The following AFF2 variants were observed in gnomAD, a reference collection of about 807,000 sequenced individuals.
AFF2 encodes ALF transcription elongation factor 2.
AFF2 carries 14 observed loss-of-function variants against 76.9 expected under a neutral mutation model. The observed-to-expected ratio is 0.18, with a 90% CI of 0.12 to 0.28. The LOEUF is 0.28. Among genes scored for constraint, AFF2 ranks in the 10% least tolerant of loss-of-function variants. The pLI is 1.00. For missense variants in AFF2, 868 were observed against 1,001.1 expected (o/e 0.87, Z 1.79); for synonymous variants, 398 against 366.7 (o/e 1.09, Z -0.98).
chrX:148,967,395 C>T (rs1279173986), intron 14 of AFF2, among the ~76,000 whole-genome samples: 3 of 112,269 alleles, frequency 2.7e-5, no homozygotes, highest in African/African-American at 9.7e-5. Context: ...ATTTGGACAA[C>T]TGTAATGGTT....
At position 148,973,603 on chromosome X, in the gene AFF2, C is replaced by G. The variant is rs782196362; in HGVS notation, c.3400C>G (p.Leu1134Val). The change falls in exon 16 of 21, where the codon CTC (leucine) becomes GTC (valine). Residue 1134 changes from leucine to valine, a missense_variant. By Grantham distance (32) the Leu-to-Val change is conservative. This residue lies in a region of AFF2 where 57 missense variants were observed against 117.8 expected (regional missense o/e 0.48). Coordinates refer to ENST00000370460, the MANE Select transcript of AFF2 (RefSeq NM_002025.4). ...YTMYSETVEL[L>V]RYAMRLKNFA... ...CATGTACTCTGAGACTGTGGAGCTCCTCAGGTGAATAGCCTTTCTGCAATC... is the reference window on the plus strand; with the variant it reads ...CATGTACTCTGAGACTGTGGAGCTCGTCAGGTGAATAGCCTTTCTGCAATC... 2 of 1,206,746 alleles carry G rather than the reference C, an allele frequency of 1.7e-6. No individual in the cohort carries two copies. Among genetic ancestry groups the G allele is most frequent in the Non-Finnish European group, 2.2e-6 (2 of 891,972 alleles).
intron 3 of AFF2, among the ~76,000 whole-genome samples, chrX:148,731,566 G>T (rs1557264671): frequency 7.2e-5 from 8 of 111,410 alleles, no homozygotes; most frequent in Non-Finnish European, 5.7e-5. Flanking sequence ...GAGTCAAAAG[G>T]CTCATTGTTC....
rs142445374 is a variant in AFF2, at chrX:148,537,930, A to G, written c.47+36786A>G. On this transcript the variant is annotated intron_variant, in intron 1 of 20. Transcript: ENST00000370460. ...GAAATGAGGCGTTTTCTGCGAGCCAAACCCTGATAGCTGTGTCCTTGTGGT... is the reference window on the plus strand; with the variant it reads ...GAAATGAGGCGTTTTCTGCGAGCCAGACCCTGATAGCTGTGTCCTTGTGGT... Among the ~76,000 whole-genome samples, 612 of 112,434 alleles carry G rather than the reference A, an allele frequency of 5.4e-3. 7 individuals are homozygous for G. The highest frequency in any genetic ancestry group is 0.023 in the Middle Eastern group (5 of 217).
chrX:148,747,878 G>A (rs782122385), intron 3 of AFF2, among the ~76,000 whole-genome samples: 25 of 110,677 alleles, frequency 2.3e-4, no homozygotes, highest in African/African-American at 3.3e-4. Context: ...CCAGTCTTGC[G>A]GAAAAAAAGA....
chrX:148,608,043 G>C (rs782532193), intron 1 of AFF2, among the ~76,000 whole-genome samples: 18 of 112,083 alleles, frequency 1.6e-4, no homozygotes, highest in Non-Finnish European at 1.9e-5. Flanking sequence ...TTGTGTTTTG[G>C]AAACTAGAAG....
intron 9 of AFF2, among the ~76,000 whole-genome samples, chrX:148,937,886 G>A (rs1288434025): frequency 8.9e-6 from 1 of 112,368 alleles, no homozygotes; most frequent in Non-Finnish European, 1.9e-5. Flanking sequence ...GTATGAAAAA[G>A]TCTGGCATTT....
At chrX:148,606,284 C>A (rs782586207) in intron 1 of AFF2, among the ~76,000 whole-genome samples, 1 of 111,633 alleles carries the variant, frequency 9.0e-6, no homozygotes, top group Non-Finnish European at 1.9e-5. Flanking sequence ...AATGTAGAAT[C>A]CAAGATAGGA....
chrX:148,523,248 T>G (rs782157472), intron 1 of AFF2, among the ~76,000 whole-genome samples: 1 of 112,316 alleles, frequency 8.9e-6, no homozygotes, highest in East Asian at 2.8e-4. Context: ...TAAGTGAAAA[T>G]GTTAAATCAA....
At chrX:148,754,429 T>G (rs1169177535) in intron 3 of AFF2, among the ~76,000 whole-genome samples, 2 of 110,817 alleles carry the variant, frequency 1.8e-5, no homozygotes, top group Middle Eastern at 4.6e-3. Context: ...AACTGTTTTC[T>G]TCCCGTCAAT....
intron 15 of AFF2, among the ~76,000 whole-genome samples, chrX:148,969,492 G>A (rs2072222546): frequency 8.9e-6 from 1 of 112,090 alleles, no homozygotes; most frequent in African/African-American, 3.2e-5. Context: ...GATATAAAAT[G>A]GCCATTTGCA....
intron 1 of AFF2, among the ~76,000 whole-genome samples, chrX:148,635,030 T>C (rs782660947): frequency 3.6e-5 from 4 of 111,957 alleles, no homozygotes; most frequent in Non-Finnish European, 7.5e-5. Context: ...CAAACCATTA[T>C]ACCTGTGTTA....
At chrX:148,772,900 T>C (rs1304658624) in intron 3 of AFF2, among the ~76,000 whole-genome samples, 1 of 110,962 alleles carries the variant, frequency 9.0e-6, no homozygotes, top group Admixed American at 9.7e-5. Flanking sequence ...AAAAAATGCT[T>C]GAATAACATA....
intron 7 of AFF2, among the ~76,000 whole-genome samples, chrX:148,857,554 G>A (rs782505659): frequency 2.7e-5 from 3 of 111,626 alleles, no homozygotes; most frequent in Non-Finnish European, 5.7e-5. Context: ...ATATAATTTA[G>A]CATTTCATAC....
intron 1 of AFF2, among the ~76,000 whole-genome samples, chrX:148,611,731 G>C (rs939988382): frequency 9.0e-6 from 1 of 111,320 alleles, no homozygotes; most frequent in Admixed American, 9.5e-5. Flanking sequence ...ATGAAGCCTT[G>C]CTTGCCCACT....
chrX:148,654,980 T>TC (rs1460105552), intron 2 of AFF2, among the ~76,000 whole-genome samples: 19 of 111,431 alleles, frequency 1.7e-4, no homozygotes, highest in African/African-American at 5.9e-4. Flanking sequence ...CTTGATTTAT[T>TC]CTCCCTTCAT....
At chrX:148,864,420 G>A (rs1557276685) in intron 7 of AFF2, among the ~76,000 whole-genome samples, 1 of 111,616 alleles carries the variant, frequency 9.0e-6, no homozygotes, top group African/African-American at 3.3e-5. Flanking sequence ...TGCTATTTGA[G>A]GTGAAGACCA....
chrX:148,725,687 TTCTG>T (rs1465311559), intron 3 of AFF2, among the ~76,000 whole-genome samples: 3 of 112,395 alleles, frequency 2.7e-5, no homozygotes, highest in Non-Finnish European at 3.8e-5. Context: ...CGACATTTCT[TTCTG>T]TCTTTGTCGA....
chrX:148,606,117 A>T (rs1557248757), intron 1 of AFF2, among the ~76,000 whole-genome samples: 1 of 112,589 alleles, frequency 8.9e-6, no homozygotes, highest in Non-Finnish European at 1.9e-5. Context: ...AACTCCACAT[A>T]TAATCATGAT....
intron 9 of AFF2, among the ~76,000 whole-genome samples, chrX:148,949,748 T>C (rs1464436196): frequency 8.9e-6 from 1 of 112,603 alleles, no homozygotes; most frequent in Non-Finnish European, 1.9e-5. Context: ...TGGCTTAATA[T>C]AGCAAATGTT....
Sources: allele counts gnomAD v4.1 joint callset (sites outside exome capture counted in the v4.1 genomes callset), GRCh38; gene constraint gnomAD v4.1.1; regional missense constraint gnomAD v4.1.1; transcripts MANE v1.5; gene names NCBI Gene and HGNC (gene_info 2026-07-23, HGNC 2026-07-21).